The following DNAJC1 variants were observed in gnomAD, a reference collection of about 807,000 sequenced individuals.
DNAJC1 encodes dnaJ homolog subfamily C member 1.
In DNAJC1, 58 loss-of-function variants were observed where a neutral mutation model predicts 76.6. The observed-to-expected ratio is 0.76, with a 90% CI of 0.61 to 0.94. The LOEUF is 0.94. Among genes scored for constraint, DNAJC1 ranks in the 40% least tolerant of loss-of-function variants. The pLI is 0.00. For missense variants in DNAJC1, 689 were observed against 677.3 expected (o/e 1.02, Z -0.19); for synonymous variants, 258 against 267.9 (o/e 0.96, Z 0.36).
chr10:21,952,706 C>T (rs999305989), intron 1 of DNAJC1, among the ~76,000 whole-genome samples: 1 of 152,084 alleles, frequency 6.6e-6, no homozygotes, highest in Admixed American at 6.5e-5. Flanking sequence ...TTGCAGTGAG[C>T]TGAGATTGCG....
At chr10:21,992,888 T>C (rs951368301) in intron 1 of DNAJC1, among the ~76,000 whole-genome samples, 3 of 152,190 alleles carry the variant, frequency 2.0e-5, no homozygotes, top group African/African-American at 7.2e-5. Flanking sequence ...TTGTAAACTT[T>C]GGTAACATTT....
intron 11 of DNAJC1, 36 bp downstream of exon 11, chr10:21,759,134 A>G: frequency 6.3e-7 from 1 of 1,576,794 alleles, no homozygotes. Context: ...GTGGGATTCT[A>G]ACACCTGTGC....
intron 1 of DNAJC1, among the ~76,000 whole-genome samples, chr10:21,953,244 G>T (rs1167034365): frequency 1.3e-5 from 2 of 151,728 alleles, no homozygotes; most frequent in Non-Finnish European, 2.9e-5. Context: ...ATGATACTAG[G>T]CATAATAATA....
chr10:21,831,337 G>A (rs550975803), intron 8 of DNAJC1, among the ~76,000 whole-genome samples: 2 of 152,294 alleles, frequency 1.3e-5, no homozygotes, highest in African/African-American at 4.8e-5. Flanking sequence ...TCTGCCCCAA[G>A]TGGGTATTAA....
intron 8 of DNAJC1, among the ~76,000 whole-genome samples, chr10:21,845,554 C>T (rs757399936): frequency 3.3e-5 from 5 of 151,910 alleles, no homozygotes; most frequent in Non-Finnish European, 5.9e-5. Context: ...AGGGTTTCAC[C>T]ATGTTGGCCA....
chr10:21,762,596 A>C (rs1256725031), intron 10 of DNAJC1, among the ~76,000 whole-genome samples: 2 of 152,226 alleles, frequency 1.3e-5, no homozygotes, highest in African/African-American at 4.8e-5. Context: ...TTGTTCTTGC[A>C]AACTAAATAG....
At chr10:21,810,158 T>C (rs758993009) in intron 8 of DNAJC1, among the ~76,000 whole-genome samples, 2 of 152,094 alleles carry the variant, frequency 1.3e-5, no homozygotes, top group Non-Finnish European at 2.9e-5. Context: ...CCGTTCAGAA[T>C]AGGCAGGACA....
Position 21,766,262 on chromosome 10 carries a change from T to G in DNAJC1, c.1146A>C (p.Pro382=), listed in dbSNP as rs769403238. ...KQLKDSVTCS[P]GMVRLSELKS... is the part of the protein sequence containing the mutation. ...GAGATAGAGGAAGTATGAACTCACC[T>G]GGGGAGCAGGTCACTGAATCCTTCA... is the stretch of plus-strand genomic sequence containing the variant. The change falls in exon 10 of 12, where the codon CCA becomes CCC. Residue 382 remains proline (P), a splice_region_variant and synonymous_variant. Transcript: ENST00000376980. 18 of 1,611,712 alleles carry G rather than the reference T, an allele frequency of 1.1e-5. No individual in the cohort carries two copies. Among genetic ancestry groups the G allele is most frequent in the Non-Finnish European group, 1.4e-5 (17 of 1,177,928 alleles).
Position 21,906,693 on chromosome 10 carries a change from A to ATC in DNAJC1, c.730-2083_730-2082dup, listed in dbSNP as rs1347750064. Among the ~76,000 whole-genome samples the ATC allele has an allele frequency of 5.9e-5, 9 of 152,308 alleles. No homozygotes were observed. The South Asian group carries it at 1.9e-3, about 32-fold the overall frequency. On this transcript the variant is annotated intron_variant, in intron 6 of 11. Coordinates refer to ENST00000376980, the MANE Select transcript of DNAJC1 (RefSeq NM_022365.4). Reference sequence around the variant, plus strand: ...TCTGAATTAAGAACTCAGCTCTGCCATCTTACTAGCTATGTGACATTCAGA... The same window carrying ATC: ...TCTGAATTAAGAACTCAGCTCTGCCATCTCTTACTAGCTATGTGACATTCAGA...
chr10:21,911,225 T>A (rs1358990589), intron 6 of DNAJC1, among the ~76,000 whole-genome samples: 1 of 152,016 alleles, frequency 6.6e-6, no homozygotes, highest in East Asian at 1.9e-4. Flanking sequence ...ATATAGAGGA[T>A]GTTCTATTTC....
intron 9 of DNAJC1, 83 bp downstream of exon 9, chr10:21,805,897 T>C: frequency 6.4e-7 from 1 of 1,566,166 alleles, no homozygotes; most frequent in African/African-American, 1.3e-5. Flanking sequence ...AAAGATACTG[T>C]GGAACCCATC....
chr10:21,908,489 T>TGGGGG (rs55980435), intron 6 of DNAJC1, among the ~76,000 whole-genome samples: 2 of 137,096 alleles, frequency 1.5e-5, no homozygotes, highest in South Asian at 2.3e-4. Context: ...CCATTTTTCA[T>TGGGGG]GGGGGGGGGG....
intron 8 of DNAJC1, among the ~76,000 whole-genome samples, chr10:21,829,308 G>T (rs950229876): frequency 7.9e-5 from 12 of 152,064 alleles, no homozygotes; most frequent in African/African-American, 2.4e-4. Flanking sequence ...CCGCCTCCCG[G>T]GTTCACACCA....
At chr10:21,896,308 A>G (rs1836541725) in intron 7 of DNAJC1, among the ~76,000 whole-genome samples, 1 of 152,166 alleles carries the variant, frequency 6.6e-6, no homozygotes. Flanking sequence ...GGTTGCCCAG[A>G]GCCTTGGGGA....
chr10:21,886,960 T>G (rs1836376425), intron 7 of DNAJC1, among the ~76,000 whole-genome samples: 1 of 152,206 alleles, frequency 6.6e-6, no homozygotes, highest in African/African-American at 2.4e-5. Context: ...TGTCCCTGTT[T>G]GCAATTGACA....
chr10:21,817,204 CT>C (rs1196051808), intron 8 of DNAJC1, among the ~76,000 whole-genome samples: 1 of 146,712 alleles, frequency 6.8e-6, no homozygotes, highest in Non-Finnish European at 1.5e-5. Context: ...ATGTGTACAT[CT>C]GTTTGAGGAC....
In DNAJC1 at chr10:21,787,573, G is replaced by C. The variant is rs540814142; in HGVS notation, c.1098+18407C>G. ...GAAATAACCAAAGGAGAGTGCTGGA[G>C]CATGTCAAAGAAGTAACAGCAACCC... On this transcript the variant is annotated intron_variant, in intron 9 of 11. Coordinates refer to ENST00000376980, the MANE Select transcript of DNAJC1 (RefSeq NM_022365.4). Among the ~76,000 whole-genome samples, 9 of 152,304 alleles carry C rather than the reference G, an allele frequency of 5.9e-5. No individual in the cohort carries two copies. In the East Asian group the frequency reaches 1.7e-3, roughly 29 times the overall value.
At chr10:21,771,699 C>T (rs1834379922) in intron 9 of DNAJC1, among the ~76,000 whole-genome samples, 1 of 152,040 alleles carries the variant, frequency 6.6e-6, no homozygotes, top group Non-Finnish European at 1.5e-5. Context: ...GGTTTCACCA[C>T]ATTGGCCAGG....
intron 1 of DNAJC1, among the ~76,000 whole-genome samples, chr10:21,997,648 G>T (rs1386289112): frequency 2.6e-5 from 4 of 152,116 alleles, no homozygotes; most frequent in African/African-American, 9.7e-5. Context: ...CATGGGGCAC[G>T]GATGAATGGG....
Sources: gnomAD v4.1 joint callset for allele counts (sites outside exome capture counted in the v4.1 genomes callset) on GRCh38, gnomAD v4.1.1 for gene constraint, MANE v1.5 for transcripts, NCBI Gene and HGNC (gene_info 2026-07-23, HGNC 2026-07-21) for gene names.